NAPSA: variants seen among roughly 807,000 people sequenced by gnomAD.
NAPSA encodes the protein napsin-A.
A neutral mutation model predicts 36.7 loss-of-function variants in NAPSA; 37 were observed. The ratio of observed to expected loss-of-function variants is 1.01; its 90% confidence interval spans 0.78 to 1.33. The LOEUF (loss-of-function observed/expected upper bound fraction) is 1.33, where lower values mean the gene tolerates loss of function less well. Among genes scored for constraint, NAPSA ranks in the 40% most tolerant of loss-of-function variants. NAPSA has a pLI of 0.00. For synonymous variants in NAPSA, 222 were observed against 234.5 expected (o/e 0.95, Z 0.49); for missense variants, 532 against 543.8 (o/e 0.98, Z 0.21).
At chr19:50,365,724 A>G (rs151275065), upstream of NAPSA, 3,321 of 943,228 alleles carry the variant, frequency 3.5e-3, 18 homozygotes, top group Middle Eastern at 6.8e-3. Context: ...GAAGGAGACC[A>G]GGACATGAAA....
At chr19:50,365,728 C>A (rs975180186), upstream of NAPSA, 13 of 906,276 alleles carry the variant, frequency 1.4e-5, no homozygotes, top group Non-Finnish European at 2.0e-5. Flanking sequence ...GAGACCAGGA[C>A]ATGAAATCTG....
chr19:50,361,365 T>G (rs2037470410), intron 4 of NAPSA: 1 of 580,600 alleles, frequency 1.7e-6, no homozygotes, highest in African/African-American at 2.0e-5. Context: ...CCTCCCCTGC[T>G]TGAGAAGCCC....
At position 50,361,750 on chromosome 19, in the gene NAPSA, A is replaced by C; in HGVS notation, c.381T>G (p.Ser127=). 1 of 1,614,158 alleles carries C rather than the reference A, an allele frequency of 6.2e-7. No individual in the cohort carries two copies. Among genetic ancestry groups the C allele is most frequent in the Non-Finnish European group, 8.5e-7 (1 of 1,180,020 alleles). ...WLHHRFDPKA[S]SSFQANGTKF... Reference sequence around the variant, plus strand: ...TGGTCCCATTGGCCTGGAAGGAGCTAGAGGCTTTGGGATCAAATCGGTGGT... The same window carrying C: ...TGGTCCCATTGGCCTGGAAGGAGCTCGAGGCTTTGGGATCAAATCGGTGGT... Residue 127 remains serine, a synonymous_variant, in exon 4 of 9, where the codon TCT becomes TCG. Coordinates refer to ENST00000253719, the MANE Select transcript of NAPSA (RefSeq NM_004851.3).
At chr19:50,363,122 C>G (rs1231320686) in intron 1 of NAPSA, among the ~76,000 whole-genome samples, 2 of 152,154 alleles carry the variant, frequency 1.3e-5, no homozygotes, top group Non-Finnish European at 2.9e-5. Flanking sequence ...TCGTTCCTGC[C>G]TTTAGTCACT....
At chr19:50,363,364 T>C (rs1007487280) in intron 1 of NAPSA, among the ~76,000 whole-genome samples, 1 of 151,990 alleles carries the variant, frequency 6.6e-6, no homozygotes, top group African/African-American at 2.4e-5. Context: ...GTCCCCAAGA[T>C]TGGATTTCTT....
chr19:50,365,514 G>A, intron 1 of NAPSA, 25 bp downstream of exon 1: 1 of 1,606,094 alleles, frequency 6.2e-7, no homozygotes, highest in Non-Finnish European at 8.5e-7. Flanking sequence ...TCCTAAGGTT[G>A]GGGTGGTAGA....
chr19:50,358,612 G>C lies in NAPSA; in HGVS notation c.1204C>G (p.Arg402Gly). 1.2e-6 allele frequency: 2 copies of C among 1,612,250 alleles called. No individual in the cohort carries two copies. The highest frequency in any genetic ancestry group is 1.1e-5 in the South Asian group (1 of 90,992). ...CATCCGAGGTCCGCTCCGCGAGTGC[G>C]AGCGCGCGCCAGGCCCACCCGGGCG... ...SSARVGLARA[R>G]TRGADLGWGE... Residue 402 changes from arginine to glycine, a missense_variant, in exon 9 of 9, where the codon CGC becomes GGC. Arg to Gly is a moderately radical substitution (Grantham distance 125). Transcript: ENST00000253719.
At chr19:50,364,722 G>A (rs982715141) in intron 1 of NAPSA, among the ~76,000 whole-genome samples, 1 of 151,012 alleles carries the variant, frequency 6.6e-6, no homozygotes, top group African/African-American at 2.5e-5. Context: ...ACCGGACGCG[G>A]GGGCTCACAG....
Position 50,362,208 on chromosome 19 carries a change from G to C in NAPSA, c.189C>G (p.Asp63Glu), listed in dbSNP as rs2123613727. Residue 63 changes from aspartate to glutamate, a missense_variant, in exon 2 of 9, where the codon GAC becomes GAG. Transcript: ENST00000253719. ...LPKLGAPSPG[D>E]KPIFVPLSNY... ...TCGAGAGAGGTACGAAGATGGGCTT[G>C]TCCCCAGGGGATGGGGCCCCCAACT... 2 of 1,614,016 alleles carry C rather than the reference G, an allele frequency of 1.2e-6. No individual in the cohort carries two copies. Among genetic ancestry groups the C allele is most frequent in the East Asian group, 4.5e-5 (2 of 44,884 alleles).
In NAPSA at chr19:50,358,553, T is replaced by G. The variant is rs771164672; in HGVS notation, c.1263A>C (p.Ter421CysextTer?). 2.5e-5 allele frequency: 39 copies of G among 1,586,082 alleles called. No individual in the cohort carries two copies. The highest frequency in any genetic ancestry group is 3.3e-5 in the Non-Finnish European group (38 of 1,166,568). Reference protein sequence around the residue: ...GETAQAQFPG* With the variant: ...GETAQAQFPGC ...GCTGCGCATGCGCTTCACTTGGGCG[T>G]CACCCGGGGAACTGCGCCTGCGCAG... Residue 421 changes from the stop codon to cysteine (C), a stop_lost, in exon 9 of 9, where the codon TGA becomes TGC. Coordinates refer to ENST00000253719, the MANE Select transcript of NAPSA (RefSeq NM_004851.3).
chr19:50,359,490 A>G lies in NAPSA; in HGVS notation c.936+13T>C, dbSNP rs2037441998. ...AGCCTTCCCAGCCCGTACCCACCAG[A>G]CTGGGACCTCACCTCCCCAGCCAGC... On this transcript the variant is annotated intron_variant, in intron 7 of 8. Transcript: ENST00000253719. 1 of 1,613,768 alleles carries G rather than the reference A, an allele frequency of 6.2e-7. No individual in the cohort carries two copies.
chr19:50,366,375 C>T (rs2037549869), upstream of NAPSA, among the ~76,000 whole-genome samples: 1 of 152,104 alleles, frequency 6.6e-6, no homozygotes, highest in African/African-American at 2.4e-5. Flanking sequence ...GCTGGGATTA[C>T]AGGCGTGAGC....
At chr19:50,362,803 A>G (rs965219838) in intron 1 of NAPSA, 1 of 152,708 alleles carries the variant, frequency 6.5e-6, no homozygotes, top group Admixed American at 6.5e-5. Context: ...TACAGAGGAG[A>G]GCCACTATGC....
chr19:50,368,171 A>G (rs985736192), upstream of NAPSA, among the ~76,000 whole-genome samples: 21 of 151,064 alleles, frequency 1.4e-4, 1 homozygote, highest in African/African-American at 4.6e-4. Flanking sequence ...AAAAAAAAAA[A>G]AAAAAAAAGA....
chr19:50,359,539 A>G lies in NAPSA; in HGVS notation c.900T>C (p.His300=), dbSNP rs752389719. ...TGPTEEIRAL[H]AAIGGIPLLA... ...GCAAGGGGATTCCCCCAATGGCTGC[A>G]TGCAGGGCCCGGATCTCCTCAGTGG... Residue 300 remains histidine (H), a synonymous_variant, in exon 7 of 9, where the codon CAT becomes CAC. Transcript: ENST00000253719. The G allele has an allele frequency of 3.7e-6, 6 of 1,614,072 alleles. No individual in the cohort carries two copies. The highest frequency in any genetic ancestry group is 2.2e-5 in the East Asian group (1 of 44,898).
chr19:50,361,515 C>T, intron 4 of NAPSA, 148 bp downstream of exon 4: 1 of 720,996 alleles, frequency 1.4e-6, no homozygotes, highest in Non-Finnish European at 2.4e-6. Flanking sequence ...ACCATCCCTT[C>T]ACTCTGAAAG....
chr19:50,359,725 G>T lies in NAPSA; in HGVS notation c.791+15C>A. 5.0e-6 allele frequency: 8 copies of T among 1,614,242 alleles called. No homozygotes were observed. The highest frequency in any genetic ancestry group is 6.8e-6 in the Non-Finnish European group (8 of 1,180,050). ...CCAGCCTCCAGCTCCAGAGCCAGGAGACCAAGTCCCTCACCGCTCCATGTG... is the reference window on the plus strand; with the variant it reads ...CCAGCCTCCAGCTCCAGAGCCAGGATACCAAGTCCCTCACCGCTCCATGTG... On this transcript the variant is annotated intron_variant, in intron 6 of 8. Transcript: ENST00000253719.
At chr19:50,367,036 G>T (rs982594136), upstream of NAPSA, among the ~76,000 whole-genome samples, 18 of 152,082 alleles carry the variant, frequency 1.2e-4, no homozygotes, top group African/African-American at 4.3e-4. Flanking sequence ...TATTGGTCAG[G>T]CTGGTCTCGA....
At chr19:50,363,743 T>C (rs2037506013) in intron 1 of NAPSA, among the ~76,000 whole-genome samples, 3 of 152,002 alleles carry the variant, frequency 2.0e-5, no homozygotes, top group African/African-American at 4.8e-5. Context: ...TTTGTATTTT[T>C]TGTAGAGGTG....
Sources: gnomAD v4.1 joint callset for allele counts (sites outside exome capture counted in the v4.1 genomes callset) on GRCh38, gnomAD v4.1.1 for gene constraint, MANE v1.5 for transcripts, NCBI Gene and HGNC (gene_info 2026-07-23, HGNC 2026-07-21) for gene names.